The following ACTR3C variants were observed in gnomAD, a reference collection of about 807,000 sequenced individuals.
The protein encoded by ACTR3C is actin related protein 3C.
Under a neutral mutation model 26.3 loss-of-function variants are expected in ACTR3C, and 18 were observed. The observed-to-expected ratio is 0.68, with a 90% CI of 0.47 to 1.01. The LOEUF (loss-of-function observed/expected upper bound fraction) is 1.01. Ranked by LOEUF, ACTR3C falls within the 50% of genes least tolerant of loss-of-function variation. The probability of loss-of-function intolerance (pLI) is 0.00; values close to 1 mark genes in which losing one functional copy is unlikely to be tolerated. For missense variants in ACTR3C, 184 were observed against 250.7 expected (o/e 0.73, Z 1.80); for synonymous variants, 55 against 94.5 (o/e 0.58, Z 2.42).
At chr7:150,081,137 C>G in the ACTR3C span, among the ~76,000 whole-genome samples, 2 of 150,234 alleles carry the variant, frequency 1.3e-5, no homozygotes, top group African/African-American at 4.9e-5. Context: ...AAATATGGAG[C>G]CTGGTGTTGA....
the ACTR3C span, among the ~76,000 whole-genome samples, chr7:150,082,593 C>T: frequency 6.6e-6 from 1 of 152,112 alleles, no homozygotes; most frequent in Non-Finnish European, 1.5e-5. Context: ...CACATATAAC[C>T]CTGAGTGCCC....
At chr7:150,241,962 A>C (rs1306986990), downstream of ACTR3C, among the ~76,000 whole-genome samples, 5 of 152,202 alleles carry the variant, frequency 3.3e-5, no homozygotes, top group Admixed American at 3.3e-4. Flanking sequence ...TCACACCTGT[A>C]ATCCCAGCAC....
chr7:150,051,362 T>C, the ACTR3C span, among the ~76,000 whole-genome samples: 2 of 141,200 alleles, frequency 1.4e-5, no homozygotes, highest in Non-Finnish European at 3.1e-5. Flanking sequence ...TAATCACCTT[T>C]CACCTCCCCT....
chr7:150,097,425 C>T, the ACTR3C span, among the ~76,000 whole-genome samples: 1 of 151,600 alleles, frequency 6.6e-6, no homozygotes, highest in Non-Finnish European at 1.5e-5. Flanking sequence ...ACTTTGGATG[C>T]TATCCTGCAG....
chr7:149,884,809 A>G, the ACTR3C span, among the ~76,000 whole-genome samples: 2 of 152,184 alleles, frequency 1.3e-5, no homozygotes, highest in African/African-American at 4.8e-5. Flanking sequence ...AATGTGGAGT[A>G]TGGTCTACCT....
At chr7:149,893,356 T>C in the ACTR3C span, among the ~76,000 whole-genome samples, 149,439 of 152,350 alleles carry the variant, frequency 0.98, 73,363 homozygotes, top group East Asian at 1. Flanking sequence ...GATTCCTTGA[T>C]GTCAGATAAC....
chr7:150,307,469 A>G (rs1795884081), intron 1 of ACTR3C, among the ~76,000 whole-genome samples: 1 of 152,212 alleles, frequency 6.6e-6, no homozygotes, highest in Non-Finnish European at 1.5e-5. Flanking sequence ...TCTTCTGGAC[A>G]ATAAGACTTA....
chr7:149,892,302 G>C, the ACTR3C span: 1 of 1,587,314 alleles, frequency 6.3e-7, no homozygotes, highest in Non-Finnish European at 8.6e-7. Flanking sequence ...TTTATCGATG[G>C]CTTCATCTCC....
At chr7:150,271,078 A>T (rs1320632782) in intron 6 of ACTR3C, among the ~76,000 whole-genome samples, 2 of 143,690 alleles carry the variant, frequency 1.4e-5, no homozygotes, top group Non-Finnish European at 3.0e-5. Flanking sequence ...CCTGCCCTTG[A>T]GGGCCAATCA....
chr7:150,210,539 T>G, the ACTR3C span, among the ~76,000 whole-genome samples: 2 of 147,974 alleles, frequency 1.4e-5, no homozygotes, highest in African/African-American at 2.6e-5. Context: ...AAGTATTACT[T>G]GGCAACAAAT....
At chr7:150,054,814 A>G in the ACTR3C span, among the ~76,000 whole-genome samples, 1 of 152,350 alleles carries the variant, frequency 6.6e-6, no homozygotes, top group East Asian at 1.9e-4. Flanking sequence ...AGCACTGACT[A>G]TGTGCCATTC....
chr7:150,291,756 T>G (rs1209777034), intron 3 of ACTR3C, among the ~76,000 whole-genome samples: 1 of 151,362 alleles, frequency 6.6e-6, no homozygotes, highest in African/African-American at 2.4e-5. Context: ...GCAGCGCAGT[T>G]CTCTGAGGAA....
chr7:150,085,675 T>C, the ACTR3C span, among the ~76,000 whole-genome samples: 1 of 152,034 alleles, frequency 6.6e-6, no homozygotes, highest in African/African-American at 2.4e-5. Flanking sequence ...GGATGAAAAA[T>C]TGGATCATTC....
the ACTR3C span, among the ~76,000 whole-genome samples, chr7:150,162,401 C>G: frequency 1.9e-3 from 295 of 152,184 alleles, 2 homozygotes; most frequent in Middle Eastern, 3.4e-3. Flanking sequence ...TCTCGGCTCA[C>G]TGCAACCTCT....
At chr7:150,011,473 T>C in the ACTR3C span, among the ~76,000 whole-genome samples, 1 of 152,106 alleles carries the variant, frequency 6.6e-6, no homozygotes, top group Non-Finnish European at 1.5e-5. Context: ...TTATCCCAGC[T>C]ACTTGGGAGG....
chr7:150,115,424 T>C, the ACTR3C span, among the ~76,000 whole-genome samples: 1 of 152,216 alleles, frequency 6.6e-6, no homozygotes, highest in Non-Finnish European at 1.5e-5. Flanking sequence ...GGTCCCACTG[T>C]GAGTAAAGCT....
the ACTR3C span, among the ~76,000 whole-genome samples, chr7:150,033,537 C>T: frequency 5.3e-5 from 8 of 152,148 alleles, no homozygotes; most frequent in Admixed American, 5.2e-4. Flanking sequence ...TGAGGATCCA[C>T]AATGGGGGTC....
intron 6 of ACTR3C, among the ~76,000 whole-genome samples, chr7:150,264,354 CAAATA>C (rs1833870812): frequency 2.0e-5 from 3 of 152,190 alleles, no homozygotes. Context: ...AACTAGGCAA[CAAATA>C]AAACCTGAAG....
intron 3 of ACTR3C, among the ~76,000 whole-genome samples, chr7:150,292,554 G>A (rs1836355498): frequency 6.7e-6 from 1 of 149,458 alleles, no homozygotes; most frequent in South Asian, 2.1e-4. Context: ...CAGCTGGGGT[G>A]CAATGGCGCG....
Sources: allele counts gnomAD v4.1 joint callset (sites outside exome capture counted in the v4.1 genomes callset), GRCh38; gene constraint gnomAD v4.1.1; transcripts MANE v1.5; gene names NCBI Gene and HGNC (gene_info 2026-07-23, HGNC 2026-07-21).